PTPRK: variants seen among roughly 807,000 people sequenced by gnomAD.
The protein encoded by PTPRK is receptor-type tyrosine-protein phosphatase kappa.
A neutral mutation model predicts 178.0 loss-of-function variants in PTPRK; 75 were observed. The ratio of observed to expected loss-of-function variants is 0.42; its 90% CI spans 0.35 to 0.51. The LOEUF (loss-of-function observed/expected upper bound fraction) is 0.51. Among genes scored for constraint, PTPRK ranks in the 20% least tolerant of loss-of-function variants. The pLI, the probability that PTPRK is intolerant of heterozygous loss-of-function variation, is 0.02. For missense variants in PTPRK, 1,441 were observed against 1,797.8 expected (o/e 0.80, Z 3.59); for synonymous variants, 637 against 620.6 (o/e 1.03, Z -0.39).
chr6:128,111,308 C>T (rs959621828), intron 7 of PTPRK, among the ~76,000 whole-genome samples: 4 of 152,282 alleles, frequency 2.6e-5, no homozygotes, highest in African/African-American at 9.6e-5. Flanking sequence ...TAAAACATCT[C>T]TTCACTATTT....
intron 3 of PTPRK, among the ~76,000 whole-genome samples, chr6:128,283,433 G>A (rs1821992900): frequency 6.6e-6 from 1 of 152,168 alleles, no homozygotes; most frequent in Non-Finnish European, 1.5e-5. Context: ...CCAAATGTAA[G>A]GTAATTCTTC....
intron 6 of PTPRK, among the ~76,000 whole-genome samples, chr6:128,213,246 G>A (rs1473272271): frequency 6.6e-6 from 1 of 151,892 alleles, no homozygotes; most frequent in Non-Finnish European, 1.5e-5. Context: ...CTTGAACACT[G>A]AATCACCTGA....
intron 1 of PTPRK, among the ~76,000 whole-genome samples, chr6:128,462,892 G>C (rs1444062603): frequency 6.6e-6 from 1 of 151,882 alleles, no homozygotes; most frequent in African/African-American, 2.4e-5. Flanking sequence ...CCTGACCTTG[G>C]GTGATCCACC....
rs577076702 is a variant in PTPRK, at chr6:128,386,141, T to C, written c.223+11425A>G. On this transcript the variant is annotated intron_variant, in intron 2 of 29. Transcript: ENST00000368226. ...CTTTAATTGATATGTGCTTCTGACA[T>C]CTAAGATATTCAGTAATAGATTTTT... Among the ~76,000 whole-genome samples the C allele has an allele frequency of 1.5e-3, 227 of 152,322 alleles. 1 individual carries two copies. The highest frequency in any genetic ancestry group is 5.1e-3 in the African/African-American group (212 of 41,584).
intron 6 of PTPRK, 129 bp downstream of exon 6, chr6:128,218,793 T>A (rs1158820536): frequency 1.2e-6 from 1 of 860,250 alleles, no homozygotes; most frequent in African/African-American, 1.7e-5. Context: ...AATTGTATGA[T>A]GATATATTTT....
At chr6:128,470,633 G>T (rs980645749) in intron 1 of PTPRK, among the ~76,000 whole-genome samples, 13 of 151,118 alleles carry the variant, frequency 8.6e-5, no homozygotes, top group African/African-American at 2.9e-4. Flanking sequence ...TGTCAGAAGA[G>T]GCAAGACAAA....
intron 7 of PTPRK, among the ~76,000 whole-genome samples, chr6:128,121,867 A>C (rs566735815): frequency 8.3e-4 from 127 of 152,118 alleles, no homozygotes; most frequent in African/African-American, 2.9e-3. Flanking sequence ...CAAAAACTGA[A>C]TTTAGCTTTC....
intron 6 of PTPRK, among the ~76,000 whole-genome samples, chr6:128,207,341 A>G (rs1216277838): frequency 6.6e-6 from 1 of 152,154 alleles, no homozygotes; most frequent in East Asian, 1.9e-4. Context: ...GTGCTTCTCT[A>G]ATAGTGATTG....
At chr6:127,996,845 TA>T in intron 17 of PTPRK, 55 bp downstream of exon 17, 1 of 1,552,162 alleles carries the variant, frequency 6.4e-7, no homozygotes, top group Non-Finnish European at 8.7e-7. Flanking sequence ...TCTTAAAGTT[TA>T]AAACCATATA....
intron 23 of PTPRK, 99 bp downstream of exon 23, chr6:127,983,143 C>G: frequency 7.6e-7 from 1 of 1,319,088 alleles, no homozygotes; most frequent in Non-Finnish European, 1.0e-6. Context: ...TGAAAAACAT[C>G]TCTTTCGGTT....
chr6:128,041,431 G>A (rs1280776474), intron 13 of PTPRK, among the ~76,000 whole-genome samples: 1 of 151,896 alleles, frequency 6.6e-6, no homozygotes, highest in Non-Finnish European at 1.5e-5. Flanking sequence ...GTCTATAATA[G>A]GGCAATAGTC....
chr6:128,211,292 T>C (rs1808115036), intron 6 of PTPRK, among the ~76,000 whole-genome samples: 12 of 152,124 alleles, frequency 7.9e-5, no homozygotes, highest in Admixed American at 7.9e-4. Flanking sequence ...AATATTTCCC[T>C]TTTTTTCTAA....
intron 7 of PTPRK, among the ~76,000 whole-genome samples, chr6:128,149,551 T>C (rs1408221003): frequency 6.6e-6 from 1 of 152,160 alleles, no homozygotes; most frequent in Non-Finnish European, 1.5e-5. Context: ...TAGTAGTCAC[T>C]GTGTGACACC....
At chr6:128,204,160 A>C (rs953959852) in intron 6 of PTPRK, among the ~76,000 whole-genome samples, 2 of 152,190 alleles carry the variant, frequency 1.3e-5, no homozygotes, top group Non-Finnish European at 2.9e-5. Flanking sequence ...ACCTGAAAAA[A>C]CAAGCAATGG....
At chr6:128,084,297 G>T (rs962893682) in intron 8 of PTPRK, among the ~76,000 whole-genome samples, 13 of 152,006 alleles carry the variant, frequency 8.6e-5, no homozygotes, top group Non-Finnish European at 1.3e-4. Context: ...CTGGAAAGCC[G>T]AATCACATAG....
At chr6:128,371,107 C>T (rs1342893183) in intron 2 of PTPRK, among the ~76,000 whole-genome samples, 1 of 152,018 alleles carries the variant, frequency 6.6e-6, no homozygotes, top group Non-Finnish European at 1.5e-5. Flanking sequence ...TGAATTATAC[C>T]ACGCTTTCCC....
At chr6:128,403,136 T>C (rs1251858911) in intron 1 of PTPRK, among the ~76,000 whole-genome samples, 3 of 152,224 alleles carry the variant, frequency 2.0e-5, no homozygotes, top group Non-Finnish European at 4.4e-5. Context: ...TTGAGTTCCA[T>C]CTCTAGCCAA....
rs868167626 is a variant in PTPRK at position 128,433,329 on chromosome 6, C to T, written c.101-35641G>A. ...TAATTATCATTCTACTCTCTACTTC[C>T]ATGAGATCAACTTTTGAAACTCCCA... On this transcript the variant is annotated intron_variant, in intron 1 of 29. Coordinates refer to ENST00000368226, the MANE Select transcript of PTPRK (RefSeq NM_002844.4). Among the ~76,000 whole-genome samples the T allele has an allele frequency of 2.6e-5, 4 of 152,230 alleles. No individual in the cohort carries two copies. In the Middle Eastern group the frequency reaches 0.014, roughly 518 times the overall value.
intron 7 of PTPRK, among the ~76,000 whole-genome samples, chr6:128,172,174 T>G (rs2114649630): frequency 6.6e-6 from 1 of 152,116 alleles, no homozygotes; most frequent in African/African-American, 2.4e-5. Flanking sequence ...AGCATCATAC[T>G]TAAGGACTGG....
Sources: allele counts gnomAD v4.1 joint callset (sites outside exome capture counted in the v4.1 genomes callset), GRCh38; gene constraint gnomAD v4.1.1; transcripts MANE v1.5; gene names NCBI Gene and HGNC (gene_info 2026-07-23, HGNC 2026-07-21).